Variants in PRKCZ observed in about 807,000 individuals in gnomAD.
PRKCZ encodes protein kinase C zeta.
A neutral mutation model predicts 79.5 loss-of-function variants in PRKCZ; 33 were observed. That is an observed-to-expected ratio of 0.41 (90% confidence interval 0.31 to 0.55). The LOEUF is 0.55. Ranked by LOEUF, PRKCZ falls within the 20% of genes least tolerant of loss-of-function variation. PRKCZ has a pLI of 0.19. For missense variants in PRKCZ, 578 were observed against 813.5 expected (o/e 0.71, Z 3.52); for synonymous variants, 342 against 320.9 (o/e 1.07, Z -0.70).
intron 4 of PRKCZ, among the ~76,000 whole-genome samples, chr1:2,077,027 C>G (rs1458816103): frequency 6.6e-6 from 1 of 152,176 alleles, no homozygotes; most frequent in Non-Finnish European, 1.5e-5. Flanking sequence ...GGTGGGCCCA[C>G]AGGTCTGTTG....
chr1:2,050,999 C>G (rs1223100652), intron 1 of PRKCZ: 4 of 321,866 alleles, frequency 1.2e-5, no homozygotes, highest in Non-Finnish European at 2.3e-5. Flanking sequence ...CGGGGACGTT[C>G]CGGCCGCAAA....
At chr1:2,167,465 G>A (rs1289025332) in intron 10 of PRKCZ, among the ~76,000 whole-genome samples, 3 of 152,142 alleles carry the variant, frequency 2.0e-5, no homozygotes, top group African/African-American at 4.8e-5. Context: ...CTTCCCAGGC[G>A]CCGCAGCAGC....
intron 9 of PRKCZ, among the ~76,000 whole-genome samples, chr1:2,155,628 G>A (rs1239822571): frequency 3.3e-5 from 5 of 149,592 alleles, no homozygotes; most frequent in African/African-American, 9.9e-5. Flanking sequence ...TGATGACAGT[G>A]GTGGTGAAGG....
At chr1:2,112,007 G>A (rs545784146) in intron 4 of PRKCZ, among the ~76,000 whole-genome samples, 177 of 152,294 alleles carry the variant, frequency 1.2e-3, no homozygotes, top group African/African-American at 3.9e-3. Flanking sequence ...AGTCGTCTTC[G>A]AGGCGATGTT....
chr1:2,095,185 G>A (rs1029253694), intron 4 of PRKCZ, among the ~76,000 whole-genome samples: 4 of 152,178 alleles, frequency 2.6e-5, no homozygotes, highest in African/African-American at 9.7e-5. Flanking sequence ...CCAGGGTGGA[G>A]TCTGGTTGTC....
intron 4 of PRKCZ, among the ~76,000 whole-genome samples, chr1:2,111,146 T>C (rs879792357): frequency 2.6e-5 from 4 of 151,714 alleles, no homozygotes; most frequent in Admixed American, 6.6e-5. Flanking sequence ...CCGAGGTGGG[T>C]GCTGGGAGCT....
Position 2,181,740 on chromosome 1 carries a change from C to T in PRKCZ, c.1576-2843C>T, listed in dbSNP as rs1686655407. On this transcript the variant is annotated intron_variant, in intron 16 of 17. Coordinates refer to ENST00000378567, the MANE Select transcript of PRKCZ (RefSeq NM_002744.6). ...CAGCTGGGTCCTGCTCTGTTCCCAC[C>T]CCTGCTGCTTATTAAACCCTTGTAA... 1.8e-5 allele frequency: 8 copies of T among 449,920 alleles called. No individual in the cohort carries two copies. In the Admixed American group the frequency reaches 1.9e-4, roughly 11 times the overall value. 27.9% of individuals were successfully genotyped at this position (449,920 alleles called of 1,614,324 possible). A position where few individuals can be genotyped will look rare whatever the true frequency, so the allele number is the denominator to read the frequency against.
intron 11 of PRKCZ, among the ~76,000 whole-genome samples, chr1:2,170,652 G>A (rs550487242): frequency 2.6e-5 from 4 of 152,112 alleles, no homozygotes; most frequent in South Asian, 2.1e-4. Flanking sequence ...CCTGTCCCCC[G>A]CCCCAGCCTC....
At chr1:2,119,121 T>G (rs115097292) in intron 4 of PRKCZ, among the ~76,000 whole-genome samples, 1 of 152,144 alleles carries the variant, frequency 6.6e-6, no homozygotes, top group African/African-American at 2.4e-5. Context: ...AATGGCTACC[T>G]TAGAAATTAT....
Position 2,074,372 on chromosome 1 carries a change from G to T in PRKCZ, c.334+14781G>T. 2.0e-6 allele frequency: 3 copies of T among 1,496,900 alleles called. No homozygotes were observed. The South Asian group carries it at 3.6e-5, about 18-fold the overall frequency. 92.7% of individuals were successfully genotyped at this position (1,496,900 alleles called of 1,614,324 possible). On this transcript the variant is annotated intron_variant, in intron 4 of 17. Coordinates refer to ENST00000378567, the MANE Select transcript of PRKCZ (RefSeq NM_002744.6). The stretch of plus-strand genomic sequence containing the variant: ...TCGTCTTGGGCTCGTCTGCCTGCCT[G>T]GCCCCAGGGAGTTGCTGGCTGTTGG...
Position 2,173,894 on chromosome 1 carries a change from C to T in PRKCZ, c.1286-3C>T. 2 of 1,601,704 alleles carry T rather than the reference C, an allele frequency of 1.2e-6. No homozygotes were observed. Among genetic ancestry groups the T allele is most frequent in the South Asian group, 2.2e-5 (2 of 89,584 alleles). On this transcript the variant is annotated splice_region_variant and splice_polypyrimidine_tract_variant and intron_variant, in intron 13 of 17. Coordinates refer to ENST00000378567, the MANE Select transcript of PRKCZ (RefSeq NM_002744.6). The surrounding 1 kb of genome is among the most constrained non-coding windows in gnomAD (Gnocchi z 5.7). The stretch of plus-strand genomic sequence containing the variant: ...TCGGTGATGGCTGTGTGCTCTCCCC[C>T]AGGGTTCAGCGTGGACTGGTGGGCG...
intron 16 of PRKCZ, 49 bp from the exon 17 acceptor site, chr1:2,184,534 A>G: frequency 7.1e-7 from 1 of 1,411,234 alleles, no homozygotes; most frequent in Non-Finnish European, 9.9e-7. Context: ...TCAATCTGGT[A>G]GGGATGATGC....
At chr1:2,137,145 TC>T in intron 5 of PRKCZ, among the ~76,000 whole-genome samples, 1 of 151,782 alleles carries the variant, frequency 6.6e-6, no homozygotes, top group Non-Finnish European at 1.5e-5. Context: ...CACTAATAAG[TC>T]CCGGAGTCTA....
At chr1:2,137,001 T>TA (rs1355905747) in intron 5 of PRKCZ, among the ~76,000 whole-genome samples, 5 of 152,018 alleles carry the variant, frequency 3.3e-5, no homozygotes, top group Admixed American at 6.5e-5. Context: ...GACGAAGTCT[T>TA]ACGATAGGCC....
intron 16 of PRKCZ, 37 bp downstream of exon 16, chr1:2,175,350 C>G (rs538732036): frequency 4.5e-6 from 7 of 1,544,406 alleles, no homozygotes; most frequent in Non-Finnish European, 6.2e-6. Flanking sequence ...CCCCCATCCC[C>G]ATCCCAACCC....
chr1:2,140,957 G>A (rs1242645533), intron 5 of PRKCZ: 1 of 152,286 alleles, frequency 6.6e-6, no homozygotes, highest in Non-Finnish European at 1.5e-5. Flanking sequence ...AACAGAGCGA[G>A]GCGCGAGGCT....
In PRKCZ at chr1:2,094,314, G is replaced by T. The variant is rs1012502958; in HGVS notation, c.334+34723G>T. Among the ~76,000 whole-genome samples the T allele has an allele frequency of 9.2e-5, 14 of 152,224 alleles. No individual in the cohort carries two copies. Among genetic ancestry groups the T allele is most frequent in the African/African-American group, 3.4e-4 (14 of 41,444 alleles). ...CTTCTCCTACCATGATGGTGCCTGG[G>T]ATGCTGTGTGGTGCCCGTGGGCAGT... On this transcript the variant is annotated intron_variant, in intron 4 of 17. Transcript: ENST00000378567. This position sits in a 1 kb window ranked among gnomAD's most constrained non-coding sequence, Gnocchi z 7.3.
At chr1:2,109,679 C>A (rs975085367) in intron 4 of PRKCZ, among the ~76,000 whole-genome samples, 1 of 152,152 alleles carries the variant, frequency 6.6e-6, no homozygotes, top group Non-Finnish European at 1.5e-5. Flanking sequence ...ACTGCAGTGT[C>A]CGGAAGGCGG....
chr1:2,050,146 C>T (rs1268993602), upstream of PRKCZ: 1 of 152,078 alleles, frequency 6.6e-6, no homozygotes, highest in Non-Finnish European at 1.5e-5. Flanking sequence ...CCGCTCCGTC[C>T]CAGAGGCCGG....
Sources: allele counts gnomAD v4.1 joint callset (sites outside exome capture counted in the v4.1 genomes callset), GRCh38; gene constraint gnomAD v4.1.1; non-coding constraint Gnocchi (gnomAD v3.1); transcripts MANE v1.5; gene names NCBI Gene and HGNC (gene_info 2026-07-23, HGNC 2026-07-21).